The following PARD3 variants were observed in gnomAD, a reference collection of about 807,000 sequenced individuals.
PARD3 encodes the protein par-3 family cell polarity regulator.
Under a neutral mutation model 155.4 loss-of-function variants are expected in PARD3, and 75 were observed. That is an observed-to-expected ratio of 0.48 (90% CI 0.40 to 0.58). The LOEUF is 0.58. Ranked by LOEUF, PARD3 falls within the 20% of genes least tolerant of loss-of-function variation. The probability of loss-of-function intolerance (pLI) is 0.00; values close to 1 mark genes in which losing one functional copy is unlikely to be tolerated. For synonymous variants in PARD3, 576 were observed against 610.5 expected (o/e 0.94, Z 0.83); for missense variants, 1,642 against 1,721.7 (o/e 0.95, Z 0.82).
chr10:34,175,436 C>T (rs576858116), intron 22 of PARD3, among the ~76,000 whole-genome samples: 21 of 152,274 alleles, frequency 1.4e-4, no homozygotes, highest in African/African-American at 4.6e-4. Flanking sequence ...TAAAAATAAA[C>T]TTAAATATGC....
chr10:34,199,567 AC>A (rs1411879780), intron 22 of PARD3, among the ~76,000 whole-genome samples: 2 of 151,952 alleles, frequency 1.3e-5, no homozygotes, highest in African/African-American at 2.4e-5. Context: ...CATGGGCGGC[AC>A]CCCCAACCCC....
At chr10:34,275,100 C>T (rs1415396396) in intron 21 of PARD3, among the ~76,000 whole-genome samples, 1 of 152,154 alleles carries the variant, frequency 6.6e-6, no homozygotes, top group Non-Finnish European at 1.5e-5. Context: ...CAAATTTGTA[C>T]ATTATGACTA....
At chr10:34,422,396 A>C (rs2075362824) in intron 5 of PARD3, among the ~76,000 whole-genome samples, 1 of 152,180 alleles carries the variant, frequency 6.6e-6, no homozygotes, top group Non-Finnish European at 1.5e-5. Flanking sequence ...CCCAAAGCAC[A>C]GGTAACAAAA....
At chr10:34,563,429 C>T (rs534950198) in intron 2 of PARD3, among the ~76,000 whole-genome samples, 5 of 152,192 alleles carry the variant, frequency 3.3e-5, no homozygotes, top group South Asian at 2.1e-4. Flanking sequence ...TGCAGTGGCA[C>T]GATCTCGGCT....
intron 22 of PARD3, among the ~76,000 whole-genome samples, chr10:34,153,122 C>G (rs750825615): frequency 6.6e-6 from 1 of 151,962 alleles, no homozygotes; most frequent in Non-Finnish European, 1.5e-5. Flanking sequence ...TTTTTTGAAA[C>G]AGTGTTTTCC....
At chr10:34,412,380 C>G (rs1326794770) in intron 5 of PARD3, among the ~76,000 whole-genome samples, 1 of 152,132 alleles carries the variant, frequency 6.6e-6, no homozygotes. Flanking sequence ...AAGCGATGTA[C>G]TCTCTTCATT....
At chr10:34,141,645 C>G (rs1233508371) in intron 22 of PARD3, among the ~76,000 whole-genome samples, 2 of 152,136 alleles carry the variant, frequency 1.3e-5, no homozygotes, top group Non-Finnish European at 2.9e-5. Context: ...AGGAATGTAC[C>G]CCTCGCCCTA....
chr10:34,562,488 C>T (rs972126968), intron 2 of PARD3, among the ~76,000 whole-genome samples: 31 of 151,970 alleles, frequency 2.0e-4, no homozygotes, highest in African/African-American at 7.5e-4. Flanking sequence ...ACCACATTTC[C>T]CCACCAAGTG....
chr10:34,580,508 T>G (rs1325452971), intron 2 of PARD3, among the ~76,000 whole-genome samples: 1 of 152,174 alleles, frequency 6.6e-6, no homozygotes, highest in Non-Finnish European at 1.5e-5. Flanking sequence ...GCAGTCCAGC[T>G]AGGTGACAGA....
At chr10:34,180,815 G>C (rs1046605249) in intron 22 of PARD3, among the ~76,000 whole-genome samples, 1 of 152,096 alleles carries the variant, frequency 6.6e-6, no homozygotes, top group Non-Finnish European at 1.5e-5. Flanking sequence ...GCCTGCTTGA[G>C]CTCTCTAAAG....
At chr10:34,522,227 G>A (rs1589867083) in intron 2 of PARD3, among the ~76,000 whole-genome samples, 1 of 152,162 alleles carries the variant, frequency 6.6e-6, no homozygotes, top group Non-Finnish European at 1.5e-5. Flanking sequence ...GATGGCCAGA[G>A]AAATACTACA....
At chr10:34,778,249 T>C (rs1305884808) in intron 1 of PARD3, among the ~76,000 whole-genome samples, 1 of 152,200 alleles carries the variant, frequency 6.6e-6, no homozygotes, top group Non-Finnish European at 1.5e-5. Context: ...TCTCCAGGTA[T>C]TCATCTGTAA....
At chr10:34,725,262 C>A (rs1340149020) in intron 1 of PARD3, among the ~76,000 whole-genome samples, 2 of 152,072 alleles carry the variant, frequency 1.3e-5, no homozygotes, top group East Asian at 3.9e-4. Flanking sequence ...AAGCGATTCT[C>A]CTGCCTCAGC....
chr10:34,218,520 G>A (rs1952118583), intron 22 of PARD3, among the ~76,000 whole-genome samples: 1 of 152,196 alleles, frequency 6.6e-6, no homozygotes, highest in Admixed American at 6.5e-5. Flanking sequence ...TCTGAGATGT[G>A]CCCAAGTAAC....
intron 22 of PARD3, among the ~76,000 whole-genome samples, chr10:34,134,568 A>G (rs756078032): frequency 6.6e-6 from 1 of 152,208 alleles, no homozygotes; most frequent in African/African-American, 2.4e-5. Flanking sequence ...ACAGCAAAAG[A>G]TAAGTTCTGG....
chr10:34,452,705 C>T (rs560764589), intron 4 of PARD3, among the ~76,000 whole-genome samples: 1 of 152,274 alleles, frequency 6.6e-6, no homozygotes, highest in African/African-American at 2.4e-5. Flanking sequence ...AATTTCACCA[C>T]GTCCTACCCT....
intron 20 of PARD3, among the ~76,000 whole-genome samples, chr10:34,286,562 G>A (rs1163719395): frequency 6.6e-6 from 1 of 152,242 alleles, no homozygotes; most frequent in South Asian, 2.1e-4. Context: ...CTGAGACACA[G>A]GCAGGCTGAG....
chr10:34,131,677 A>G, intron 22 of PARD3, 94 bp from the exon 23 acceptor site: 1 of 1,095,420 alleles, frequency 9.1e-7, no homozygotes, highest in Non-Finnish European at 1.4e-6. Flanking sequence ...CTGTGAAATG[A>G]CGCCATTTAA....
chr10:34,137,862 G>T (rs1175681091), intron 22 of PARD3, among the ~76,000 whole-genome samples: 1 of 152,170 alleles, frequency 6.6e-6, no homozygotes, highest in African/African-American at 2.4e-5. Context: ...GAGGCCACTA[G>T]GTTAGGCAAT....
Sources: gnomAD v4.1 joint callset for allele counts (sites outside exome capture counted in the v4.1 genomes callset) on GRCh38, gnomAD v4.1.1 for gene constraint, MANE v1.5 for transcripts, NCBI Gene and HGNC (gene_info 2026-07-23, HGNC 2026-07-21) for gene names.